ARNT2: variants seen among roughly 807,000 people sequenced by gnomAD.
ARNT2 encodes aryl hydrocarbon receptor nuclear translocator 2.
A neutral mutation model predicts 91.7 loss-of-function variants in ARNT2; 36 were observed. The ratio of observed to expected loss-of-function variants is 0.39; its 90% CI spans 0.30 to 0.52. The LOEUF is 0.52. ARNT2 is among the 20% of genes least tolerant of loss of function. The pLI is 0.72. For missense variants in ARNT2, 775 were observed against 939.3 expected (o/e 0.83, Z 2.29); for synonymous variants, 365 against 347.1 (o/e 1.05, Z -0.57).
intron 17 of ARNT2, among the ~76,000 whole-genome samples, chr15:80,588,452 C>T (rs145451858): frequency 7.2e-5 from 11 of 152,084 alleles, no homozygotes; most frequent in Non-Finnish European, 1.5e-4. Flanking sequence ...ACCCATGGAC[C>T]ATACACATCT....
intron 5 of ARNT2, among the ~76,000 whole-genome samples, chr15:80,479,979 G>C (rs1263397527): frequency 6.6e-6 from 1 of 152,140 alleles, no homozygotes; most frequent in Non-Finnish European, 1.5e-5. Flanking sequence ...GCACTGGCTG[G>C]CTCAGGAGAG....
chr15:80,466,594 T>C (rs1896657019), intron 3 of ARNT2, among the ~76,000 whole-genome samples: 1 of 152,246 alleles, frequency 6.6e-6, no homozygotes, highest in Non-Finnish European at 1.5e-5. Flanking sequence ...GGGGAAGAGA[T>C]GGCCTTGCCC....
intron 1 of ARNT2, among the ~76,000 whole-genome samples, chr15:80,417,514 C>G (rs950289632): frequency 1.3e-5 from 2 of 151,748 alleles, no homozygotes; most frequent in South Asian, 2.1e-4. Flanking sequence ...TCCCATCCCC[C>G]CTCTGCTTCT....
At chr15:80,441,436 A>C in intron 1 of ARNT2, 1 of 973,178 alleles carries the variant, frequency 1.0e-6, no homozygotes, top group Non-Finnish European at 1.2e-6. Flanking sequence ...AGAGAGATGA[A>C]TATTGAGAAG....
chr15:80,517,841 T>C (rs1162374490), intron 8 of ARNT2, among the ~76,000 whole-genome samples: 1 of 152,178 alleles, frequency 6.6e-6, no homozygotes, highest in Non-Finnish European at 1.5e-5. Context: ...TGAGCATTTC[T>C]TTTTTATTCT....
intron 1 of ARNT2, among the ~76,000 whole-genome samples, chr15:80,431,560 G>A (rs574452935): frequency 1.4e-4 from 22 of 152,326 alleles, no homozygotes; most frequent in Non-Finnish European, 3.2e-4. Context: ...ATGGGCCGTA[G>A]TAGGGGAGTG....
intron 7 of ARNT2, 150 bp from the exon 8 acceptor site, chr15:80,514,170 G>T: frequency 1.0e-6 from 1 of 971,586 alleles, no homozygotes; most frequent in South Asian, 1.5e-5. Context: ...CAGACCATGT[G>T]GGAGGAAGGA....
intron 3 of ARNT2, among the ~76,000 whole-genome samples, chr15:80,468,038 G>C (rs1896681349): frequency 6.6e-6 from 1 of 151,882 alleles, no homozygotes. Flanking sequence ...ATTCTTCTCT[G>C]GTTACCTCTA....
chr15:80,526,480 A>G (rs1342617158), intron 8 of ARNT2, among the ~76,000 whole-genome samples: 1 of 152,210 alleles, frequency 6.6e-6, no homozygotes, highest in African/African-American at 2.4e-5. Context: ...CCTTTCTAGT[A>G]ACCATCGTCC....
At chr15:80,546,734 G>A (rs1897997078) in intron 8 of ARNT2, among the ~76,000 whole-genome samples, 1 of 152,180 alleles carries the variant, frequency 6.6e-6, no homozygotes, top group Admixed American at 6.5e-5. Context: ...GGAGGCTGAG[G>A]CAGGTGGATC....
At chr15:80,556,372 A>G (rs1490679287) in intron 11 of ARNT2, 2 of 152,240 alleles carry the variant, frequency 1.3e-5, no homozygotes, top group African/African-American at 4.8e-5. Flanking sequence ...TTGAAAAACC[A>G]CTTTAGTAGC....
At chr15:80,557,685 T>G (rs1040440612) in intron 11 of ARNT2, among the ~76,000 whole-genome samples, 18 of 152,218 alleles carry the variant, frequency 1.2e-4, no homozygotes, top group African/African-American at 4.3e-4. Context: ...TCCACCTGTT[T>G]GCCCAGGCCA....
chr15:80,520,039 A>C (rs557117997), intron 8 of ARNT2, among the ~76,000 whole-genome samples: 1 of 144,062 alleles, frequency 6.9e-6, no homozygotes, highest in African/African-American at 2.6e-5. Context: ...TATCTTATTT[A>C]GGAACCAAAT....
intron 5 of ARNT2, among the ~76,000 whole-genome samples, chr15:80,486,555 C>T (rs929244780): frequency 5.9e-5 from 9 of 152,130 alleles, no homozygotes; most frequent in Non-Finnish European, 8.8e-5. Context: ...AGTTTAACTG[C>T]GGGGAGGACA....
At chr15:80,424,835 C>T (rs928903180) in intron 1 of ARNT2, among the ~76,000 whole-genome samples, 1 of 151,522 alleles carries the variant, frequency 6.6e-6, no homozygotes, top group Admixed American at 6.6e-5. Context: ...CCAGTTCAGG[C>T]TTCCGGCAGG....
intron 5 of ARNT2, among the ~76,000 whole-genome samples, chr15:80,490,792 C>T (rs1014368745): frequency 2.6e-5 from 4 of 152,208 alleles, no homozygotes; most frequent in Non-Finnish European, 5.9e-5. Context: ...GCACTAGAAA[C>T]GGAAGATGCA....
At chr15:80,433,552 G>A (rs1896043472) in intron 1 of ARNT2, among the ~76,000 whole-genome samples, 1 of 151,976 alleles carries the variant, frequency 6.6e-6, no homozygotes, top group Admixed American at 6.6e-5. Context: ...CCCCGCCTCG[G>A]CCTCCCAAAG....
At chr15:80,539,390 AG>A (rs1455748035) in intron 8 of ARNT2, among the ~76,000 whole-genome samples, 2 of 152,174 alleles carry the variant, frequency 1.3e-5, no homozygotes, top group African/African-American at 4.8e-5. Flanking sequence ...ATATAAGTTT[AG>A]GTATTAATTT....
At chr15:80,439,715 T>C (rs1218561909) in intron 1 of ARNT2, among the ~76,000 whole-genome samples, 1 of 152,218 alleles carries the variant, frequency 6.6e-6, no homozygotes, top group Non-Finnish European at 1.5e-5. Flanking sequence ...TTCATTTCTT[T>C]CCCCTACCTT....
Sources: gnomAD v4.1 joint callset for allele counts (sites outside exome capture counted in the v4.1 genomes callset) on GRCh38, gnomAD v4.1.1 for gene constraint, MANE v1.5 for transcripts, NCBI Gene and HGNC (gene_info 2026-07-23, HGNC 2026-07-21) for gene names.